HMBOX1: variants seen among roughly 807,000 people sequenced by gnomAD.
HMBOX1 encodes homeobox containing 1.
Under a neutral mutation model 54.5 loss-of-function variants are expected in HMBOX1, and 14 were observed. That is an observed-to-expected ratio of 0.26 (90% CI 0.17 to 0.40). The LOEUF (loss-of-function observed/expected upper bound fraction) is 0.40, where lower values mean the gene tolerates loss of function less well. Among genes scored for constraint, HMBOX1 ranks in the 10% least tolerant of loss-of-function variants. HMBOX1 has a pLI of 1.00. For missense variants in HMBOX1, 332 were observed against 514.4 expected (o/e 0.65, Z 3.43); for synonymous variants, 160 against 181.0 (o/e 0.88, Z 0.93).
chr8:29,038,156 G>A (rs1804213081), intron 6 of HMBOX1, among the ~76,000 whole-genome samples: 1 of 152,150 alleles, frequency 6.6e-6, no homozygotes, highest in South Asian at 2.1e-4. Flanking sequence ...ATAGACTTCA[G>A]TGTTATTGAA....
chr8:28,936,576 C>G (rs1317854211), intron 1 of HMBOX1, among the ~76,000 whole-genome samples: 11 of 151,752 alleles, frequency 7.2e-5, no homozygotes. Flanking sequence ...TTAAGTGGTT[C>G]CCAAGAACAT....
intron 1 of HMBOX1, among the ~76,000 whole-genome samples, chr8:28,920,484 A>G (rs1170519521): frequency 6.6e-6 from 1 of 152,222 alleles, no homozygotes; most frequent in East Asian, 1.9e-4. Context: ...AAGATATTAT[A>G]TGATTAGATT....
At chr8:28,966,076 T>G (rs1382635316) in intron 2 of HMBOX1, among the ~76,000 whole-genome samples, 2 of 152,222 alleles carry the variant, frequency 1.3e-5, no homozygotes, top group Admixed American at 1.3e-4. Context: ...AAGATAGTAA[T>G]GTCCTTTTTA....
intron 1 of HMBOX1, among the ~76,000 whole-genome samples, chr8:28,912,406 C>A (rs77079456): frequency 6.7e-4 from 102 of 152,296 alleles, no homozygotes; most frequent in African/African-American, 2.4e-3. Context: ...ACTTTCCCAT[C>A]CAGATTCTGC....
chr8:29,012,320 T>C (rs1004063829), intron 5 of HMBOX1, among the ~76,000 whole-genome samples: 2 of 152,322 alleles, frequency 1.3e-5, no homozygotes, highest in Middle Eastern at 3.4e-3. Context: ...AGATCCTTCA[T>C]TGCAAGTCAT....
chr8:29,049,333 G>A, intron 9 of HMBOX1: 1 of 1,534,664 alleles, frequency 6.5e-7, no homozygotes, highest in Non-Finnish European at 8.7e-7. Flanking sequence ...GAGGGAAGAA[G>A]TTCAGAGGGA....
At position 29,051,261 on chromosome 8, in the gene HMBOX1, G is replaced by C. The variant is rs1441336075; in HGVS notation, c.*106G>C. ...CTTACAGTATAACTTGCAGTTTCTT[G>C]TATGTCAGGTAGCTGTTAGGGTCTT... On this transcript the variant is annotated 3_prime_UTR_variant, in exon 10 of 10. Coordinates refer to ENST00000287701, the MANE Select transcript of HMBOX1 (RefSeq NM_001135726.3). The C allele has an allele frequency of 3.2e-6, 4 of 1,233,106 alleles. No individual in the cohort carries two copies. The highest frequency in any genetic ancestry group is 4.6e-6 in the Non-Finnish European group (4 of 874,226). 76.4% of individuals were successfully genotyped at this position (1,233,106 alleles called of 1,614,324 possible). A position where few individuals can be genotyped will look rare whatever the true frequency, so the allele number is the denominator to read the frequency against.
At chr8:28,995,282 G>A (rs1178210493) in intron 4 of HMBOX1, among the ~76,000 whole-genome samples, 1 of 152,178 alleles carries the variant, frequency 6.6e-6, no homozygotes, top group Non-Finnish European at 1.5e-5. Context: ...AAACTTTTGT[G>A]TCGGGCTTCC....
chr8:29,031,342 A>G (rs1802933375), intron 6 of HMBOX1, among the ~76,000 whole-genome samples: 1 of 152,202 alleles, frequency 6.6e-6, no homozygotes, highest in African/African-American at 2.4e-5. Flanking sequence ...ATTAAGTAGA[A>G]TATCATTGTA....
At chr8:28,938,384 C>A (rs753607608) in intron 1 of HMBOX1, among the ~76,000 whole-genome samples, 72 of 152,116 alleles carry the variant, frequency 4.7e-4, no homozygotes, top group Non-Finnish European at 6.9e-4. Context: ...GGAAGGGCTG[C>A]AGTAAAATAA....
Position 29,018,786 on chromosome 8 carries a change from C to T in HMBOX1, c.724C>T (p.Pro242Ser), listed in dbSNP as rs1364627014. The change falls in exon 6 of 10, where the codon CCC (proline) becomes TCC (serine). Residue 242 changes from proline to serine, a missense_variant. By Grantham distance (74) the Pro-to-Ser change is moderately conservative. Transcript: ENST00000287701. ...CGCTACACTAAGTATGAGACCAGCC[C>T]CCATTCCAATAGAGGACCCTGAATG... is the stretch of plus-strand genomic sequence containing the variant. Reference protein sequence around the residue: ...PGATLSMRPAPIPIEDPEWRQ... With the variant: ...PGATLSMRPASIPIEDPEWRQ... The T allele has an allele frequency of 6.2e-7, 1 of 1,613,996 alleles. No homozygotes were observed. The highest frequency in any genetic ancestry group is 8.5e-7 in the Non-Finnish European group (1 of 1,179,980).
chr8:28,992,332 GC>G (rs2132615552), intron 4 of HMBOX1, among the ~76,000 whole-genome samples: 1 of 152,232 alleles, frequency 6.6e-6, no homozygotes, highest in East Asian at 1.9e-4. Flanking sequence ...CATAGTAAAT[GC>G]CATAGAAGTT....
intron 1 of HMBOX1, among the ~76,000 whole-genome samples, chr8:28,916,680 C>G (rs1385046093): frequency 6.6e-6 from 1 of 152,064 alleles, no homozygotes; most frequent in Admixed American, 6.6e-5. Context: ...ATCTGTCTGT[C>G]CCTTTTCTAC....
chr8:29,025,398 A>G (rs550707070), intron 6 of HMBOX1, among the ~76,000 whole-genome samples: 1 of 152,338 alleles, frequency 6.6e-6, no homozygotes, highest in East Asian at 1.9e-4. Flanking sequence ...TCAGAGCCAC[A>G]CAGACTTAGG....
At chr8:28,950,868 T>A (rs1823282959) in intron 1 of HMBOX1, among the ~76,000 whole-genome samples, 3 of 152,162 alleles carry the variant, frequency 2.0e-5, no homozygotes, top group Non-Finnish European at 4.4e-5. Flanking sequence ...GGAACATAAT[T>A]GAGATCAACA....
chr8:29,042,491 A>G (rs186539059), intron 6 of HMBOX1: 1 of 368,570 alleles, frequency 2.7e-6, no homozygotes, highest in East Asian at 7.3e-5. Context: ...TAAAGTTTTC[A>G]GGTAAGTGGG....
intron 4 of HMBOX1, among the ~76,000 whole-genome samples, chr8:28,991,915 A>G (rs985081939): frequency 4.6e-5 from 7 of 152,194 alleles, no homozygotes; most frequent in African/African-American, 1.7e-4. Flanking sequence ...ATTTAACACT[A>G]TCAGGTGTTA....
intron 4 of HMBOX1, among the ~76,000 whole-genome samples, chr8:28,989,379 A>G (rs1830638062): frequency 6.6e-6 from 1 of 152,144 alleles, no homozygotes. Context: ...TCAATGGACC[A>G]TTTAAAATTA....
At chr8:28,990,800 T>C (rs1830869490) in intron 4 of HMBOX1, among the ~76,000 whole-genome samples, 1 of 152,006 alleles carries the variant, frequency 6.6e-6, no homozygotes, top group Admixed American at 6.6e-5. Context: ...ATTACAGGTG[T>C]CTGCCACCAC....
Sources: gnomAD v4.1 joint callset for allele counts (sites outside exome capture counted in the v4.1 genomes callset) on GRCh38, gnomAD v4.1.1 for gene constraint, MANE v1.5 for transcripts, NCBI Gene and HGNC (gene_info 2026-07-23, HGNC 2026-07-21) for gene names.